Variants in KYNU observed in about 807,000 individuals in gnomAD.
The protein encoded by KYNU is kynureninase, also known as L-kynurenine hydrolase.
Under a neutral mutation model 59.2 loss-of-function variants are expected in KYNU, and 54 were observed. That is an observed-to-expected ratio of 0.91 (90% confidence interval 0.73 to 1.14). KYNU has a LOEUF of 1.14. Among genes scored for constraint, KYNU ranks in the 50% most tolerant of loss-of-function variants. The probability of loss-of-function intolerance (pLI) is 0.00; values close to 1 mark genes in which losing one functional copy is unlikely to be tolerated. For synonymous variants in KYNU, 177 were observed against 192.0 expected (o/e 0.92, Z 0.65); for missense variants, 567 against 554.4 (o/e 1.02, Z -0.23).
intron 2 of KYNU, among the ~76,000 whole-genome samples, chr2:142,892,513 T>C (rs916344260): frequency 6.6e-6 from 1 of 152,132 alleles, no homozygotes; most frequent in Non-Finnish European, 1.5e-5. Context: ...AATAATAAGG[T>C]ACGGAATAGG....
chr2:142,878,748 G>T (rs1213384450), intron 1 of KYNU, among the ~76,000 whole-genome samples: 1 of 152,160 alleles, frequency 6.6e-6, no homozygotes, highest in Non-Finnish European at 1.5e-5. Context: ...AAATAAAATT[G>T]TGAAAGCACA....
chr2:142,907,575 A>G lies in KYNU; in HGVS notation c.170-11034A>G, dbSNP rs563740845. ...ACAAATACGGACAAGAAGAGTGTGCAGTTGCAAGATTTAATAGACTGAAAA... is the reference window on the plus strand; with the variant it reads ...ACAAATACGGACAAGAAGAGTGTGCGGTTGCAAGATTTAATAGACTGAAAA... On this transcript the variant is annotated intron_variant, in intron 2 of 13. Coordinates refer to ENST00000264170, the MANE Select transcript of KYNU (RefSeq NM_003937.3). Among the ~76,000 whole-genome samples the G allele has an allele frequency of 3.3e-5, 5 of 152,294 alleles. No individual in the cohort carries two copies. The East Asian group carries it at 9.7e-4, about 30-fold the overall frequency.
intron 10 of KYNU, among the ~76,000 whole-genome samples, chr2:143,011,263 G>T (rs1270309686): frequency 1.5e-5 from 2 of 130,670 alleles, no homozygotes; most frequent in Non-Finnish European, 3.1e-5. Context: ...GACATGAACA[G>T]ACACTTCTCA....
At chr2:142,922,985 T>C (rs1682932196) in intron 3 of KYNU, among the ~76,000 whole-genome samples, 1 of 152,176 alleles carries the variant, frequency 6.6e-6, no homozygotes, top group South Asian at 2.1e-4. Context: ...AGATGGTGCT[T>C]CTTGCTGTAA....
At chr2:142,936,842 G>A (rs1334451795) in intron 4 of KYNU, among the ~76,000 whole-genome samples, 5 of 152,172 alleles carry the variant, frequency 3.3e-5, no homozygotes, top group Non-Finnish European at 2.9e-5. Context: ...GGAGGGGTAG[G>A]CCCAAGGAGG....
intron 10 of KYNU, among the ~76,000 whole-genome samples, chr2:143,003,747 A>T (rs1193996016): frequency 6.6e-6 from 1 of 152,198 alleles, no homozygotes; most frequent in Non-Finnish European, 1.5e-5. Flanking sequence ...TGAAGGAAGG[A>T]GTAGATAACA....
At chr2:142,883,344 G>A (rs530075065) in intron 1 of KYNU, among the ~76,000 whole-genome samples, 168 of 151,416 alleles carry the variant, frequency 1.1e-3, no homozygotes, top group Non-Finnish European at 1.7e-3. Flanking sequence ...ACAGGCGCCC[G>A]CCACCTCGCA....
chr2:143,043,373 G>C lies in KYNU; in HGVS notation c.*1201G>C, dbSNP rs969324642. ...ATGCCACAATCATTATTTATAAGTTGACAAAATAGTGTAGATTTGTATACA... is the reference window on the plus strand; with the variant it reads ...ATGCCACAATCATTATTTATAAGTTCACAAAATAGTGTAGATTTGTATACA... On this transcript the variant is annotated 3_prime_UTR_variant, in exon 14 of 14. Transcript: ENST00000264170. 6.6e-6 allele frequency: 1 copy of C among 151,902 alleles called. No homozygotes were observed. The highest frequency in any genetic ancestry group is 1.5e-5 in the Non-Finnish European group (1 of 67,938). The allele number at this position is 151,902 out of a possible 1,614,324, so 9.4% of individuals were successfully genotyped here.
At chr2:142,970,201 G>C (rs1055379168) in intron 8 of KYNU, among the ~76,000 whole-genome samples, 1 of 152,080 alleles carries the variant, frequency 6.6e-6, no homozygotes, top group Non-Finnish European at 1.5e-5. Flanking sequence ...CAACATGAAA[G>C]GTTAGTCGAT....
At chr2:142,947,257 T>C in intron 4 of KYNU, 2 of 1,545,430 alleles carry the variant, frequency 1.3e-6, no homozygotes, top group Non-Finnish European at 1.7e-6. Context: ...AGGAAGATTT[T>C]CAAGTAGGAA....
Position 143,051,173 on chromosome 2 carries a change from GTTTT to G in KYNU, c.*9003_*9006del, listed in dbSNP as rs1687259682. The stretch of plus-strand genomic sequence containing the variant: ...AGTAATTGTTTTGACTAATTCTCTA[GTTTT>G]TCAACTTTTGATTGTTTAAGATGGT... On this transcript the variant is annotated 3_prime_UTR_variant, in exon 14 of 14. Coordinates refer to ENST00000264170, the MANE Select transcript of KYNU (RefSeq NM_003937.3). 6.6e-6 allele frequency: 1 copy of G among 152,122 alleles called. No homozygotes were observed. Among genetic ancestry groups the G allele is most frequent in the Admixed American group, 6.6e-5 (1 of 15,266 alleles). The allele number at this position is 152,122 out of a possible 1,614,324, so 9.4% of individuals were successfully genotyped here.
chr2:142,881,832 C>T (rs1681307386), intron 1 of KYNU, among the ~76,000 whole-genome samples: 1 of 151,898 alleles, frequency 6.6e-6, no homozygotes, highest in African/African-American at 2.4e-5. Context: ...CCTCAGACTG[C>T]TGGTCTCCTA....
rs1687204748 is a variant in KYNU, at chr2:143,048,414, C to T, written c.*6242C>T. On this transcript the variant is annotated 3_prime_UTR_variant, in exon 14 of 14. Coordinates refer to ENST00000264170, the MANE Select transcript of KYNU (RefSeq NM_003937.3). ...AAACAGCCAACTCTTTACTTATACA[C>T]TATTGCTATTCATTATAGCATTTTT... The T allele has an allele frequency of 6.6e-6, 1 of 152,110 alleles. No homozygotes were observed. The highest frequency in any genetic ancestry group is 1.5e-5 in the Non-Finnish European group (1 of 68,030). The allele number at this position is 152,110 out of a possible 1,614,324, so 9.4% of individuals were successfully genotyped here.
At chr2:142,899,188 G>A (rs1317713119) in intron 2 of KYNU, among the ~76,000 whole-genome samples, 4 of 152,106 alleles carry the variant, frequency 2.6e-5, no homozygotes, top group Non-Finnish European at 4.4e-5. Flanking sequence ...TTAATAGAGT[G>A]AAAACAGAGC....
rs1049574024 is a variant in KYNU, at chr2:143,031,102, A to C, written c.955+1423A>C. On this transcript the variant is annotated intron_variant, in intron 11 of 13. Transcript: ENST00000264170. Reference sequence around the variant, plus strand: ...CATTGTTAAGTCAGGGACCATTGGTATGCAGATTTGTAGCAACCAAATTGC... The same window carrying C: ...CATTGTTAAGTCAGGGACCATTGGTCTGCAGATTTGTAGCAACCAAATTGC... Among the ~76,000 whole-genome samples the C allele has an allele frequency of 2.0e-5, 3 of 152,208 alleles. 1 individual carries two copies. In the South Asian group the frequency reaches 6.2e-4, roughly 32 times the overall value.
chr2:142,889,776 C>G lies in KYNU; in HGVS notation c.169+4240C>G, dbSNP rs181558807. Reference sequence around the variant, plus strand: ...GGATTATTTTTGGAGACTAGCATAACACCAAGAAAATAAACTTTCTTTAGC... The same window carrying G: ...GGATTATTTTTGGAGACTAGCATAAGACCAAGAAAATAAACTTTCTTTAGC... On this transcript the variant is annotated intron_variant, in intron 2 of 13. Coordinates refer to ENST00000264170, the MANE Select transcript of KYNU (RefSeq NM_003937.3). Among the ~76,000 whole-genome samples, 64 of 152,122 alleles carry G rather than the reference C, an allele frequency of 4.2e-4. 1 individual carries two copies. The highest frequency in any genetic ancestry group is 1.5e-3 in the African/African-American group (62 of 41,496).
At chr2:143,006,375 T>G (rs1416000730) in intron 10 of KYNU, among the ~76,000 whole-genome samples, 1 of 151,624 alleles carries the variant, frequency 6.6e-6, no homozygotes, top group Non-Finnish European at 1.5e-5. Context: ...CACCACGAGA[T>G]TATATCCCAC....
chr2:142,942,584 G>A (rs954656912), intron 4 of KYNU, among the ~76,000 whole-genome samples: 4 of 152,144 alleles, frequency 2.6e-5, no homozygotes, highest in Non-Finnish European at 5.9e-5. Context: ...CAGCAACCTC[G>A]GTTTTTGCCT....
In KYNU at chr2:142,985,115, C is replaced by A. The variant is rs1275344728; in HGVS notation, c.761C>A (p.Ala254Glu). The stretch of plus-strand genomic sequence containing the variant: ...TATGTTGGCTTTGATCTAGCACATG[C>A]AGTTGGAAATGTTGAACTCTACTTA... ...GCYVGFDLAH[A>E]VGNVELYLHD... The change falls in exon 9 of 14, where the codon GCA (alanine) becomes GAA (glutamate). Residue 254 changes from alanine (A) to glutamate (E), a missense_variant. Coordinates refer to ENST00000264170, the MANE Select transcript of KYNU (RefSeq NM_003937.3). 4 of 1,610,714 alleles carry A rather than the reference C, an allele frequency of 2.5e-6. No homozygotes were observed. Among genetic ancestry groups the A allele is most frequent in the Non-Finnish European group, 3.4e-6 (4 of 1,177,422 alleles).
Sources: gnomAD v4.1 joint callset for allele counts (sites outside exome capture counted in the v4.1 genomes callset) on GRCh38, gnomAD v4.1.1 for gene constraint, MANE v1.5 for transcripts, NCBI Gene and HGNC (gene_info 2026-07-23, HGNC 2026-07-21) for gene names.